The following SHANK1 variants were observed in gnomAD, a reference collection of about 807,000 sequenced individuals.
SHANK1 encodes the protein SH3 and multiple ankyrin repeat domains 1, also known as SH3 and multiple ankyrin repeat domains protein 1.
A neutral mutation model predicts 165.6 loss-of-function variants in SHANK1; 35 were observed. The observed-to-expected ratio is 0.21, with a 90% CI of 0.16 to 0.28. The LOEUF (loss-of-function observed/expected upper bound fraction) is 0.28, where lower values mean the gene tolerates loss of function less well. Ranked by LOEUF, SHANK1 falls within the 10% of genes least tolerant of loss-of-function variation. SHANK1 has a pLI of 1.00. For missense variants in SHANK1, 2,681 were observed against 3,036.4 expected (o/e 0.88, Z 2.75); for synonymous variants, 1,428 against 1,384.8 (o/e 1.03, Z -0.69).
At position 50,662,299 on chromosome 19, in the gene SHANK1, G is replaced by A; in HGVS notation, c.6152C>T (p.Ala2051Val). The A allele has an allele frequency of 6.2e-7, 1 of 1,611,254 alleles. No individual in the cohort carries two copies. The part of the protein sequence containing the change: ...GGAGGSADPF[A>V]PVFVPPHPGI... ...CGGGTGTGGCGGCACAAAGACTGGGGCGAAGGGGTCAGCCGAGCCTCCTGC... is the reference window on the plus strand; with the variant it reads ...CGGGTGTGGCGGCACAAAGACTGGGACGAAGGGGTCAGCCGAGCCTCCTGC... Residue 2051 changes from alanine to valine, a missense_variant, in exon 24 of 24, where the codon GCC becomes GTC. Around this residue, in one of 10 missense-constraint regions of SHANK1, gnomAD observed 1,713 missense variants for 1,630.2 expected, o/e 1.05. Transcript: ENST00000293441. The surrounding 1 kb of genome is among the most constrained non-coding windows in gnomAD (Gnocchi z 7.7).
At chr19:50,666,015 A>G (rs1985489938) in intron 23 of SHANK1, among the ~76,000 whole-genome samples, 177 bp downstream of exon 23, 1 of 147,746 alleles carries the variant, frequency 6.8e-6, no homozygotes, top group Admixed American at 6.7e-5. Flanking sequence ...CCCTCTCAAG[A>G]AAAGAAAAGA....
rs1039819173 is a variant in SHANK1, at chr19:50,689,213, C to T, written c.2031G>A (p.Val677=). Reference sequence around the variant, plus strand: ...GGCACTCACCCTTGGCCCCCCGGAGCACGAACCCAAACCCCTCACTGTCCT... The same window carrying T: ...GGCACTCACCCTTGGCCCCCCGGAGTACGAACCCAAACCCCTCACTGTCCT... The part of the protein sequence containing the change: ...QKKDSEGFGF[V]LRGAKAQTPI... The change falls in exon 16 of 24, where the codon GTG becomes GTA. Residue 677 remains valine (V), a synonymous_variant. Transcript: ENST00000293441. 1.8e-5 allele frequency: 29 copies of T among 1,611,852 alleles called. No homozygotes were observed. The highest frequency in any genetic ancestry group is 1.3e-5 in the African/African-American group (1 of 74,734).
chr19:50,660,569 G>C lies in SHANK1; in HGVS notation c.*1396C>G, dbSNP rs1019235723. ...AAAAGAAATGACAGTTACAGCCCAA[G>C]AGTGCATGGAATGAGATGAGTGTGC... is the stretch of plus-strand genomic sequence containing the variant. On this transcript the variant is annotated 3_prime_UTR_variant, in exon 24 of 24. Coordinates refer to ENST00000293441, the MANE Select transcript of SHANK1 (RefSeq NM_016148.5). 4.6e-5 allele frequency among the ~76,000 whole-genome samples: 7 copies of C among 152,072 alleles called. No individual in the cohort carries two copies. The highest frequency in any genetic ancestry group is 8.8e-5 in the Non-Finnish European group (6 of 68,018).
In SHANK1 at chr19:50,670,465, C is replaced by T. The variant is rs1985749719; in HGVS notation, c.2675-1180G>A. 6.6e-6 allele frequency among the ~76,000 whole-genome samples: 1 copy of T among 152,198 alleles called. No individual in the cohort carries two copies. Among genetic ancestry groups the T allele is most frequent in the Non-Finnish European group, 1.5e-5 (1 of 68,030 alleles). Reference sequence around the variant, plus strand: ...CAGCTCATCCCCTTCAATCTAGTCCCTTCACAGCAGCCAGAGGGTTTCTGT... The same window carrying T: ...CAGCTCATCCCCTTCAATCTAGTCCTTTCACAGCAGCCAGAGGGTTTCTGT... On this transcript the variant is annotated intron_variant, in intron 22 of 23. Transcript: ENST00000293441. The surrounding 1 kb of genome is among the most constrained non-coding windows in gnomAD (Gnocchi z 4.1).
At chr19:50,710,052 G>A (rs569937847) in intron 8 of SHANK1, among the ~76,000 whole-genome samples, 1 of 152,264 alleles carries the variant, frequency 6.6e-6, no homozygotes, top group East Asian at 1.9e-4. Context: ...AAGAAGGATG[G>A]AGCCTCAAAG....
chr19:50,672,841 TG>T (rs1985848415), intron 21 of SHANK1, among the ~76,000 whole-genome samples: 1 of 152,118 alleles, frequency 6.6e-6, no homozygotes, highest in South Asian at 2.1e-4. Context: ...TCAAAAAGCA[TG>T]CTATTGCCCC....
intron 21 of SHANK1, among the ~76,000 whole-genome samples, chr19:50,672,555 CAAAAAAAAAAAAA>C (rs3987747): frequency 8.4e-5 from 3 of 35,508 alleles, no homozygotes; most frequent in African/African-American, 1.1e-4. Flanking sequence ...GACTCTGTCT[CAAAAAAAAAAAAA>C]AAAAAAAAAA....
chr19:50,669,116 G>A lies in SHANK1; in HGVS notation c.2844C>T (p.Ser948=). 6.0e-6 allele frequency: 9 copies of A among 1,508,010 alleles called. No homozygotes were observed. Among genetic ancestry groups the A allele is most frequent in the Non-Finnish European group, 8.0e-6 (9 of 1,126,040 alleles). The allele number at this position is 1,508,010 out of a possible 1,614,324, so 93.4% of individuals were successfully genotyped here. ...CAGGGTTGAAGGGCCCTCCCCGAGG[G>A]GAGGGGGTGAGGCGCCCTGAGGAGG... The part of the protein sequence containing the change: ...VPSSSGRLTP[S]PRGGPFNPGS... Residue 948 remains serine (S), a synonymous_variant, in exon 23 of 24, where the codon TCC becomes TCT. Transcript: ENST00000293441.
chr19:50,719,092 G>C (rs1163545580), intron 1 of SHANK1, among the ~76,000 whole-genome samples: 1 of 151,190 alleles, frequency 6.6e-6, no homozygotes, highest in African/African-American at 2.4e-5. Context: ...CGGGCTGGGC[G>C]GGGAGGCGGG....
chr19:50,680,918 A>C, intron 21 of SHANK1, among the ~76,000 whole-genome samples: 1 of 152,120 alleles, frequency 6.6e-6, no homozygotes. Flanking sequence ...GGCCTCCCAA[A>C]GTGCTGGGAT....
intron 8 of SHANK1, among the ~76,000 whole-genome samples, chr19:50,708,267 A>G (rs561769910): frequency 2.0e-5 from 3 of 152,174 alleles, no homozygotes; most frequent in East Asian, 3.9e-4. Context: ...TCACAGCCCC[A>G]ACACCCACAC....
At chr19:50,719,180 G>A (rs1279796815) in intron 1 of SHANK1, among the ~76,000 whole-genome samples, 1 of 151,060 alleles carries the variant, frequency 6.6e-6, no homozygotes, top group Non-Finnish European at 1.5e-5. Flanking sequence ...GGGGTGGGGG[G>A]CGCGCCCTCC....
intron 4 of SHANK1, 46 bp downstream of exon 4, chr19:50,715,613 A>T: frequency 6.5e-7 from 1 of 1,541,084 alleles, no homozygotes; most frequent in Non-Finnish European, 8.9e-7. Flanking sequence ...AGGGGGCTCC[A>T]GTGGTAGGGG....
Position 50,667,987 on chromosome 19 carries a change from C to A in SHANK1, c.3973G>T (p.Gly1325Cys). Residue 1325 changes from glycine (G) to cysteine (C), a missense_variant, in exon 23 of 24, where the codon GGC (glycine) becomes TGC (cysteine). This residue lies in a region of SHANK1 where 1,713 missense variants were observed against 1,630.2 expected (regional missense o/e 1.05). Transcript: ENST00000293441. The surrounding 1 kb of genome is among the most constrained non-coding windows in gnomAD (Gnocchi z 5.7). ...AGGAAGCTGGTGAAGGCGCTGCTGC[C>A]CCCGCCACCCCCGTAGGCTCGGCTA... is the stretch of plus-strand genomic sequence containing the variant. ...AGSRAYGGGG[G>C]SSAFTSFLPP... 1 of 1,454,980 alleles carries A rather than the reference C, an allele frequency of 6.9e-7. No individual in the cohort carries two copies. Among genetic ancestry groups the A allele is most frequent in the Non-Finnish European group, 9.0e-7 (1 of 1,108,736 alleles). 90.1% of individuals were successfully genotyped at this position (1,454,980 alleles called of 1,614,324 possible).
chr19:50,696,046 A>G (rs1405058925), intron 15 of SHANK1, among the ~76,000 whole-genome samples: 1 of 152,076 alleles, frequency 6.6e-6, no homozygotes, highest in Non-Finnish European at 1.5e-5. Context: ...GGAAGCTGAG[A>G]CGCACCACAC....
intron 21 of SHANK1, among the ~76,000 whole-genome samples, chr19:50,675,300 T>G (rs1428253471): frequency 1.3e-5 from 2 of 152,182 alleles, no homozygotes; most frequent in Admixed American, 6.6e-5. Context: ...TTTGTAAAAT[T>G]CAATTTCTCT....
chr19:50,683,901 TTAGAAAC>T (rs112379466), intron 21 of SHANK1, among the ~76,000 whole-genome samples: 31 of 152,330 alleles, frequency 2.0e-4, no homozygotes, highest in African/African-American at 6.7e-4. Context: ...AGCGCAGATG[TTAGAAAC>T]TATGACGGAC....
At position 50,668,452 on chromosome 19, in the gene SHANK1, G is replaced by A; in HGVS notation, c.3508C>T (p.Arg1170Cys). Residue 1170 changes from arginine to cysteine, a missense_variant, in exon 23 of 24, where the codon CGC becomes TGC. Arg to Cys is a radical substitution (Grantham distance 180). Transcript: ENST00000293441. ...TCGGTGCTGCTGCCCTGGCTGCTGC[G>A]GCCGCTGCTACTGGTGGACGGGGCC... ...IKAPSTSSSG[R>C]SSQGSSTEAE... is the part of the protein sequence containing the mutation. 1 of 1,334,380 alleles carries A rather than the reference G, an allele frequency of 7.5e-7. No homozygotes were observed. Among genetic ancestry groups the A allele is most frequent in the East Asian group, 2.8e-5 (1 of 35,124 alleles). 82.7% of individuals were successfully genotyped at this position (1,334,380 alleles called of 1,614,324 possible).
intron 15 of SHANK1, among the ~76,000 whole-genome samples, chr19:50,694,825 A>G (rs1599860171): frequency 9.6e-6 from 1 of 103,914 alleles, no homozygotes; most frequent in Non-Finnish European, 2.0e-5. Flanking sequence ...GCTGGGGTTT[A>G]GCGGCGGGGG....
Sources: allele counts gnomAD v4.1 joint callset (sites outside exome capture counted in the v4.1 genomes callset), GRCh38; gene constraint gnomAD v4.1.1; regional missense constraint gnomAD v4.1.1; non-coding constraint Gnocchi (gnomAD v3.1); transcripts MANE v1.5; gene names NCBI Gene and HGNC (gene_info 2026-07-23, HGNC 2026-07-21).